The following USP49 variants were observed in gnomAD, a reference collection of about 807,000 sequenced individuals.
USP49 encodes the protein ubiquitin carboxyl-terminal hydrolase 49.
A neutral mutation model predicts 58.6 loss-of-function variants in USP49; 24 were observed. The observed-to-expected ratio is 0.41, with a 90% CI of 0.30 to 0.58. The LOEUF is 0.58. Ranked by LOEUF, USP49 falls within the 20% of genes least tolerant of loss-of-function variation. The pLI is 0.30. For synonymous variants in USP49, 408 were observed against 365.1 expected (o/e 1.12, Z -1.34); for missense variants, 703 against 866.1 (o/e 0.81, Z 2.36).
intron 1 of USP49, chr6:41,893,860 C>T (rs535880589): frequency 1.3e-5 from 2 of 152,258 alleles, no homozygotes; most frequent in South Asian, 4.1e-4. Context: ...ACAAAGAATT[C>T]CTTTCCTGCA....
At chr6:41,877,978 C>G (rs1774532092) in intron 2 of USP49, among the ~76,000 whole-genome samples, 1 of 152,108 alleles carries the variant, frequency 6.6e-6, no homozygotes, top group African/African-American at 2.4e-5. Context: ...CCAGGCTGGC[C>G]TTGAACTCCA....
intron 3 of USP49, among the ~76,000 whole-genome samples, chr6:41,825,582 C>A (rs1449487001): frequency 6.6e-6 from 1 of 152,052 alleles, no homozygotes; most frequent in African/African-American, 2.4e-5. Context: ...TGAGGTATAT[C>A]CTTAGCAAAT....
At chr6:41,863,510 C>T (rs1204909991) in intron 3 of USP49, among the ~76,000 whole-genome samples, 1 of 152,184 alleles carries the variant, frequency 6.6e-6, no homozygotes, top group Non-Finnish European at 1.5e-5. Context: ...GGGTATTAAA[C>T]AAAAACAGCA....
intron 3 of USP49, among the ~76,000 whole-genome samples, chr6:41,831,608 AC>A (rs1773637654): frequency 6.6e-6 from 1 of 151,040 alleles, no homozygotes; most frequent in Non-Finnish European, 1.5e-5. Flanking sequence ...AAGTAGAGCT[AC>A]CATTTTTGAA....
intron 2 of USP49, among the ~76,000 whole-genome samples, chr6:41,879,712 C>T (rs981095423): frequency 5.3e-5 from 8 of 152,148 alleles, no homozygotes; most frequent in South Asian, 2.1e-4. Context: ...AAGTTGATAT[C>T]GTGAAAGGTG....
intron 2 of USP49, among the ~76,000 whole-genome samples, chr6:41,888,984 C>T (rs1015805243): frequency 6.6e-5 from 10 of 152,032 alleles, no homozygotes; most frequent in South Asian, 2.1e-4. Flanking sequence ...TATTTCCATT[C>T]GTCCCCCTCA....
chr6:41,841,691 T>C (rs868764408), intron 3 of USP49, among the ~76,000 whole-genome samples: 19 of 152,220 alleles, frequency 1.2e-4, no homozygotes, highest in African/African-American at 4.1e-4. Context: ...CTATTTTTAT[T>C]TGCATTTGGC....
At chr6:41,864,630 T>TA (rs893675477) in intron 3 of USP49, among the ~76,000 whole-genome samples, 9 of 151,660 alleles carry the variant, frequency 5.9e-5, no homozygotes, top group Non-Finnish European at 8.8e-5. Flanking sequence ...GCCACCCAAT[T>TA]AAAAAAAAAT....
At chr6:41,816,581 G>A (rs1297964463) in intron 3 of USP49, among the ~76,000 whole-genome samples, 5 of 151,874 alleles carry the variant, frequency 3.3e-5, no homozygotes, top group African/African-American at 1.2e-4. Context: ...TTAAATACAG[G>A]ATTATATATT....
chr6:41,796,685 A>G lies in USP49; in HGVS notation c.1915T>C (p.Cys639Arg). 2.8e-6 allele frequency: 2 copies of G among 717,528 alleles called. No homozygotes were observed. The highest frequency in any genetic ancestry group is 2.3e-4 in the Middle Eastern group (1 of 4,372). 44.4% of individuals were successfully genotyped at this position (717,528 alleles called of 1,614,324 possible). ...GTTTTGCACACTTCCTCGACACTGC[A>G]TACATTCAGCTTTGAGTCATTGCAG... ...VHCNDSKLNV[C>R]SVEEVCKTQA... The change falls in exon 8 of 8, where the codon TGC (cysteine) becomes CGC (arginine). Residue 639 changes from cysteine to arginine, a missense_variant. Coordinates refer to ENST00000682992, the MANE Select transcript of USP49 (RefSeq NM_001286554.2).
chr6:41,885,757 C>T (rs1442448583), intron 2 of USP49, among the ~76,000 whole-genome samples: 1 of 152,134 alleles, frequency 6.6e-6, no homozygotes, highest in African/African-American at 2.4e-5. Context: ...GATCATGCTA[C>T]TGCACTCCAG....
At chr6:41,838,180 T>C (rs979929888) in intron 3 of USP49, among the ~76,000 whole-genome samples, 1 of 152,180 alleles carries the variant, frequency 6.6e-6, no homozygotes, top group Admixed American at 6.5e-5. Flanking sequence ...ATAATCACAA[T>C]AGTAAAGACA....
intron 2 of USP49, among the ~76,000 whole-genome samples, chr6:41,881,527 G>T (rs983794928): frequency 6.6e-6 from 1 of 151,458 alleles, no homozygotes; most frequent in African/African-American, 2.4e-5. Flanking sequence ...AGGGGAAAAA[G>T]AAACTAAAGG....
intron 6 of USP49, among the ~76,000 whole-genome samples, chr6:41,799,259 CCAT>C (rs1332863513): frequency 6.6e-6 from 1 of 152,108 alleles, no homozygotes; most frequent in Non-Finnish European, 1.5e-5. Flanking sequence ...GTGCACACCA[CCAT>C]GCCTGGCTAA....
At chr6:41,797,871 CTTAT>C (rs541516709) in intron 7 of USP49, 17 of 938,408 alleles carry the variant, frequency 1.8e-5, no homozygotes, top group African/African-American at 1.1e-4. Flanking sequence ...AACTGCTCTT[CTTAT>C]TTATTTATTT....
chr6:41,824,896 T>G (rs1773512874), intron 3 of USP49, among the ~76,000 whole-genome samples: 1 of 152,176 alleles, frequency 6.6e-6, no homozygotes, highest in Non-Finnish European at 1.5e-5. Flanking sequence ...AAATAAGGCA[T>G]AGAAGGCATT....
chr6:41,840,986 CAG>C (rs1773816739), intron 3 of USP49, among the ~76,000 whole-genome samples: 1 of 149,284 alleles, frequency 6.7e-6, no homozygotes, highest in Non-Finnish European at 1.5e-5. Flanking sequence ...GCCTGGGTGA[CAG>C]AGCAAGATCC....
intron 2 of USP49, among the ~76,000 whole-genome samples, chr6:41,876,336 A>G (rs1774504170): frequency 7.1e-6 from 1 of 141,342 alleles, no homozygotes; most frequent in Admixed American, 6.9e-5. Flanking sequence ...ATTTTGGTAC[A>G]AAGTCTATAA....
rs188075501 is a variant in USP49 at position 41,855,829 on chromosome 6, C to T, written c.-29+15735G>A. On this transcript the variant is annotated intron_variant, in intron 3 of 7. Transcript: ENST00000682992. ...TTGGGAGGCTGAGGCAGGTGGATCA[C>T]CTGAGGTCAGGAGTTTGAGACCAGA... 9.2e-5 allele frequency among the ~76,000 whole-genome samples: 14 copies of T among 151,898 alleles called. 1 individual carries two copies. In the East Asian group the frequency reaches 2.7e-3, roughly 30 times the overall value.
Sources: allele counts gnomAD v4.1 joint callset (sites outside exome capture counted in the v4.1 genomes callset), GRCh38; gene constraint gnomAD v4.1.1; transcripts MANE v1.5; gene names NCBI Gene and HGNC (gene_info 2026-07-23, HGNC 2026-07-21).